Variants in CTNNA3 observed in about 807,000 individuals in gnomAD.
The protein encoded by CTNNA3 is catenin alpha 3, also known as catenin alpha-3.
In CTNNA3, 76 loss-of-function variants were observed where a neutral mutation model predicts 95.7. The ratio of observed to expected loss-of-function variants is 0.79; its 90% CI spans 0.66 to 0.96. CTNNA3 has a LOEUF of 0.96. CTNNA3 is among the 40% of genes least tolerant of loss of function. The pLI is 0.00. For missense variants in CTNNA3, 1,191 were observed against 1,089.8 expected (o/e 1.09, Z -1.31); for synonymous variants, 431 against 374.4 (o/e 1.15, Z -1.74).
intron 1 of CTNNA3, among the ~76,000 whole-genome samples, chr10:67,743,890 C>T (rs1841358394): frequency 6.6e-6 from 1 of 151,072 alleles, no homozygotes; most frequent in African/African-American, 2.4e-5. Context: ...CATGAGTGAA[C>T]TCCCATTCAC....
At chr10:67,129,326 T>G (rs2132014334) in intron 7 of CTNNA3, among the ~76,000 whole-genome samples, 1 of 152,310 alleles carries the variant, frequency 6.6e-6, no homozygotes, top group Non-Finnish European at 1.5e-5. Flanking sequence ...CCACTTTGCT[T>G]GCTAAATTTA....
chr10:66,923,208 T>C (rs531045842), intron 7 of CTNNA3, among the ~76,000 whole-genome samples: 1 of 152,312 alleles, frequency 6.6e-6, no homozygotes, highest in African/African-American at 2.4e-5. Flanking sequence ...AAGAGCAATG[T>C]GTGTAACACA....
chr10:66,217,544 T>C (rs953956016), intron 13 of CTNNA3, among the ~76,000 whole-genome samples: 1 of 152,320 alleles, frequency 6.6e-6, no homozygotes, highest in Non-Finnish European at 1.5e-5. Context: ...AAGGACATTT[T>C]GATTGTTTCC....
intron 9 of CTNNA3, among the ~76,000 whole-genome samples, chr10:66,671,191 C>A (rs1410392558): frequency 6.6e-6 from 1 of 152,150 alleles, no homozygotes; most frequent in Non-Finnish European, 1.5e-5. Context: ...AACTGTAATT[C>A]TTCTGGAAAT....
chr10:66,630,954 A>G (rs1845114208), intron 9 of CTNNA3, among the ~76,000 whole-genome samples: 2 of 152,186 alleles, frequency 1.3e-5, no homozygotes, highest in African/African-American at 4.8e-5. Flanking sequence ...AATCCCAACA[A>G]GCACAATCTA....
chr10:66,125,079 T>C (rs2082759165), intron 13 of CTNNA3, among the ~76,000 whole-genome samples: 1 of 152,184 alleles, frequency 6.6e-6, no homozygotes, highest in Non-Finnish European at 1.5e-5. Flanking sequence ...GGAAAATTCA[T>C]CACCAGCACA....
chr10:67,422,860 G>A (rs949592517), intron 5 of CTNNA3, among the ~76,000 whole-genome samples: 1 of 152,064 alleles, frequency 6.6e-6, no homozygotes, highest in Non-Finnish European at 1.5e-5. Flanking sequence ...CTTTCTAGGA[G>A]TGTGAGAACA....
chr10:66,071,660 T>G (rs1367035114), intron 14 of CTNNA3, among the ~76,000 whole-genome samples: 1 of 152,102 alleles, frequency 6.6e-6, no homozygotes, highest in Non-Finnish European at 1.5e-5. Flanking sequence ...AAGCAATTGT[T>G]CTCCAAAGAA....
chr10:67,102,942 G>GT (rs1188455620), intron 7 of CTNNA3, among the ~76,000 whole-genome samples: 2 of 151,820 alleles, frequency 1.3e-5, no homozygotes, highest in East Asian at 3.9e-4. Context: ...GAAAATAGTA[G>GT]TAAGACAACA....
chr10:66,158,965 C>T (rs917714498), intron 13 of CTNNA3, among the ~76,000 whole-genome samples: 2 of 152,010 alleles, frequency 1.3e-5, no homozygotes, highest in South Asian at 4.2e-4. Flanking sequence ...TGCTTGGTCG[C>T]TGTTGTTGTA....
intron 9 of CTNNA3, among the ~76,000 whole-genome samples, chr10:66,662,404 T>G (rs1196300584): frequency 1.3e-5 from 2 of 152,182 alleles, no homozygotes; most frequent in African/African-American, 4.8e-5. Context: ...ACTTCCCTAC[T>G]GTCCTAGATG....
rs1417713676 is a variant in CTNNA3 at position 66,331,338 on chromosome 10, G to GCTTGTTT, written c.1732+47813_1732+47814insAAACAAG. 6.4e-4 allele frequency among the ~76,000 whole-genome samples: 25 copies of GCTTGTTT among 39,114 alleles called. 2 individuals carry two copies. The highest frequency in any genetic ancestry group is 2.4e-3 in the South Asian group (2 of 828). 25.7% of individuals were successfully genotyped at this position (39,114 alleles called of 152,430 possible). A position where few individuals can be genotyped will look rare whatever the true frequency, so the allele number is the denominator to read the frequency against. The stretch of plus-strand genomic sequence containing the variant: ...TTAAATATGGACTCCTTTCCCCATT[G>GCTTGTTT]TTTGTTTTTTTTTTTTTTTTTTTTT... On this transcript the variant is annotated intron_variant, in intron 12 of 17. Coordinates refer to ENST00000433211, the MANE Select transcript of CTNNA3 (RefSeq NM_013266.4).
chr10:66,323,496 T>C (rs968703491), intron 12 of CTNNA3, among the ~76,000 whole-genome samples: 3 of 151,232 alleles, frequency 2.0e-5, no homozygotes, highest in African/African-American at 7.3e-5. Flanking sequence ...ATACAAAAAA[T>C]AAAAATTAGC....
chr10:66,916,007 A>C (rs1187933897), intron 7 of CTNNA3, among the ~76,000 whole-genome samples: 1 of 152,144 alleles, frequency 6.6e-6, no homozygotes, highest in African/African-American at 2.4e-5. Context: ...TTGGCCTCCC[A>C]AAGTGGGCTG....
At chr10:66,548,618 A>G (rs1264552503) in intron 10 of CTNNA3, among the ~76,000 whole-genome samples, 2 of 152,108 alleles carry the variant, frequency 1.3e-5, no homozygotes, top group African/African-American at 4.8e-5. Flanking sequence ...TAATTGGCTA[A>G]AATTCTGATT....
In CTNNA3 at chr10:67,039,212, C is replaced by T. The variant is rs565523841; in HGVS notation, c.1047+141105G>A. 2.2e-4 allele frequency among the ~76,000 whole-genome samples: 33 copies of T among 152,074 alleles called. 1 individual carries two copies. Among genetic ancestry groups the T allele is most frequent in the South Asian group, 1.0e-3 (5 of 4,822 alleles). Reference sequence around the variant, plus strand: ...AATTACAACTTCACAAACTGTAACTCGAGGAAAATTACAGGTTATACCAAG... The same window carrying T: ...AATTACAACTTCACAAACTGTAACTTGAGGAAAATTACAGGTTATACCAAG... On this transcript the variant is annotated intron_variant, in intron 7 of 17. Transcript: ENST00000433211.
At chr10:67,756,596 A>T (rs528785710) in intron 1 of CTNNA3, among the ~76,000 whole-genome samples, 1 of 152,368 alleles carries the variant, frequency 6.6e-6, no homozygotes, top group East Asian at 1.9e-4. Flanking sequence ...AAAAAGCCAC[A>T]TATTATATAA....
intron 6 of CTNNA3, among the ~76,000 whole-genome samples, chr10:67,189,627 T>TA (rs1241146859): frequency 6.9e-6 from 1 of 145,074 alleles, no homozygotes; most frequent in Non-Finnish European, 1.5e-5. Flanking sequence ...AATGAACTGC[T>TA]AAAAAACAGT....
At chr10:66,970,377 C>A (rs1849649447) in intron 7 of CTNNA3, among the ~76,000 whole-genome samples, 1 of 152,026 alleles carries the variant, frequency 6.6e-6, no homozygotes, top group African/African-American at 2.4e-5. Context: ...TCAGCTTCTT[C>A]TCGATATACA....
Sources: gnomAD v4.1 joint callset for allele counts (sites outside exome capture counted in the v4.1 genomes callset) on GRCh38, gnomAD v4.1.1 for gene constraint, MANE v1.5 for transcripts, NCBI Gene and HGNC (gene_info 2026-07-23, HGNC 2026-07-21) for gene names.